CFAP70: variants seen among roughly 807,000 people sequenced by gnomAD.
CFAP70 encodes cilia- and flagella-associated protein 70.
A neutral mutation model predicts 137.6 loss-of-function variants in CFAP70; 81 were observed. The observed-to-expected ratio is 0.59, with a 90% confidence interval of 0.49 to 0.71. The LOEUF (loss-of-function observed/expected upper bound fraction) is 0.71. CFAP70 is among the 30% of genes least tolerant of loss of function. The pLI is 0.00. For missense variants in CFAP70, 976 were observed against 1,226.7 expected, an observed-to-expected ratio of 0.80 and a Z score of 3.05; for synonymous variants, 382 against 423.6, an observed-to-expected ratio of 0.90 and a Z score of 1.20.
chr10:73,262,700 A>T (rs555076997), intron 25 of CFAP70, among the ~76,000 whole-genome samples: 1 of 152,192 alleles, frequency 6.6e-6, no homozygotes, highest in Non-Finnish European at 1.5e-5. Flanking sequence ...CGTGCATGGT[A>T]TATATAGGAT....
chr10:73,350,610 A>AAT (rs1303674365), intron 3 of CFAP70, among the ~76,000 whole-genome samples: 5 of 152,014 alleles, frequency 3.3e-5, no homozygotes, highest in Middle Eastern at 3.2e-3. Flanking sequence ...GTTGCTAATG[A>AAT]ATATATATAT....
intron 3 of CFAP70, among the ~76,000 whole-genome samples, chr10:73,349,704 T>C (rs1041706016): frequency 6.6e-6 from 1 of 152,214 alleles, no homozygotes; most frequent in Admixed American, 6.5e-5. Context: ...TTAACACTTA[T>C]TATAACAATT....
chr10:73,319,838 T>A (rs2132176097), intron 9 of CFAP70, among the ~76,000 whole-genome samples: 1 of 152,390 alleles, frequency 6.6e-6, no homozygotes, highest in African/African-American at 2.4e-5. Context: ...CTACCGTTAT[T>A]TAAATTTATA....
intron 9 of CFAP70, among the ~76,000 whole-genome samples, chr10:73,316,500 A>C (rs994280383): frequency 7.2e-6 from 1 of 139,128 alleles, no homozygotes; most frequent in African/African-American, 2.7e-5. Context: ...ATATATATAT[A>C]TATATATATA....
chr10:73,255,824 C>A (rs111382031), intron 26 of CFAP70, among the ~76,000 whole-genome samples: 15,993 of 151,986 alleles, frequency 0.11, 1,198 homozygotes, highest in East Asian at 0.3. Context: ...GGATTACAGG[C>A]GTGAGCCACC....
At chr10:73,283,939 T>A (rs971427004) in intron 19 of CFAP70, among the ~76,000 whole-genome samples, 1 of 152,262 alleles carries the variant, frequency 6.6e-6, no homozygotes, top group African/African-American at 2.4e-5. Context: ...TCAGTCTATG[T>A]CTTTTAATTT....
chr10:73,330,317 G>T (rs957581287), intron 8 of CFAP70, among the ~76,000 whole-genome samples: 8 of 152,020 alleles, frequency 5.3e-5, no homozygotes, highest in East Asian at 1.9e-4. Context: ...GGGCGTGGTG[G>T]TGTGTGCCTA....
At chr10:73,344,521 C>T (rs2053544275) in intron 5 of CFAP70, among the ~76,000 whole-genome samples, 1 of 152,182 alleles carries the variant, frequency 6.6e-6, no homozygotes, top group African/African-American at 2.4e-5. Context: ...CCTCCTAAGT[C>T]CTCAGCAAAC....
At chr10:73,321,405 G>A (rs147120408) in intron 9 of CFAP70, among the ~76,000 whole-genome samples, 48 of 152,166 alleles carry the variant, frequency 3.2e-4, no homozygotes, top group Admixed American at 1.6e-3. Flanking sequence ...GCAACACAGC[G>A]AGACTCCATC....
At chr10:73,313,584 TG>T (rs2050109143) in intron 9 of CFAP70, among the ~76,000 whole-genome samples, 1 of 149,130 alleles carries the variant, frequency 6.7e-6, no homozygotes, top group African/African-American at 2.5e-5. Context: ...GGCTCACACC[TG>T]TAATCCCAGC....
chr10:73,345,935 T>G (rs2053662422), intron 4 of CFAP70, among the ~76,000 whole-genome samples: 1 of 151,850 alleles, frequency 6.6e-6, no homozygotes, highest in South Asian at 2.1e-4. Context: ...AGTCTCCCTC[T>G]GTCACCCAGG....
At chr10:73,289,766 C>G (rs1363529306) in intron 19 of CFAP70, among the ~76,000 whole-genome samples, 4 of 151,788 alleles carry the variant, frequency 2.6e-5, no homozygotes. Flanking sequence ...TAACAAGAGG[C>G]TGGTCGTGGT....
At chr10:73,330,052 TA>T (rs1173598164) in intron 8 of CFAP70, among the ~76,000 whole-genome samples, 1 of 152,194 alleles carries the variant, frequency 6.6e-6, no homozygotes, top group Non-Finnish European at 1.5e-5. Context: ...AAAATTTTTA[TA>T]GAGAAAAAGA....
intron 12 of CFAP70, among the ~76,000 whole-genome samples, chr10:73,309,326 A>T (rs567386107): frequency 9.8e-5 from 15 of 152,328 alleles, no homozygotes; most frequent in African/African-American, 3.6e-4. Flanking sequence ...CAGTTTTTTT[A>T]AATTACATAT....
chr10:73,323,879 G>C (rs1009435142), intron 8 of CFAP70, among the ~76,000 whole-genome samples: 3 of 152,240 alleles, frequency 2.0e-5, no homozygotes, highest in Admixed American at 6.5e-5. Flanking sequence ...TGCCTCTGTA[G>C]GCTCCACCTC....
chr10:73,321,576 A>G (rs1414636911), intron 9 of CFAP70, among the ~76,000 whole-genome samples: 1 of 151,978 alleles, frequency 6.6e-6, no homozygotes, highest in Non-Finnish European at 1.5e-5. Flanking sequence ...ATAATAATAG[A>G]TTTTTGTTAT....
intron 24 of CFAP70, 32 bp from the exon 26 acceptor site, chr10:73,269,747 T>TTAAGTTTAAGGTTAAGCA (rs754715592): frequency 1.4e-6 from 2 of 1,421,446 alleles, no homozygotes; most frequent in Non-Finnish European, 2.0e-6. Flanking sequence ...GTGAGTTAGC[T>TTAAGTTTAAGGTTAAGCA]TAGCTGAAAC....
intron 5 of CFAP70, among the ~76,000 whole-genome samples, 164 bp downstream of exon 6, chr10:73,344,901 G>A (rs12247890): frequency 0.11 from 16,090 of 151,830 alleles, 1,236 homozygotes; most frequent in East Asian, 0.3. Flanking sequence ...TAAACATTAA[G>A]ATCTGTATAT....
intron 9 of CFAP70, among the ~76,000 whole-genome samples, chr10:73,317,871 G>A (rs189073618): frequency 2.0e-4 from 30 of 152,244 alleles, no homozygotes; most frequent in African/African-American, 6.3e-4. Flanking sequence ...TTAGGGTCAC[G>A]GGGTAGATCT....
Sources: gnomAD v4.1 joint callset for allele counts (sites outside exome capture counted in the v4.1 genomes callset) on GRCh38, gnomAD v4.1.1 for gene constraint, MANE v1.5 for transcripts, NCBI Gene and HGNC (gene_info 2026-07-23, HGNC 2026-07-21) for gene names.